Variants in STIL observed in about 807,000 individuals in gnomAD.
STIL encodes the protein SCL-interrupting locus protein.
STIL carries 55 observed loss-of-function variants against 110.1 expected under a neutral mutation model. The ratio of observed to expected loss-of-function variants is 0.50; its 90% CI spans 0.40 to 0.63. The LOEUF (loss-of-function observed/expected upper bound fraction) is 0.63. STIL is among the 20% of genes least tolerant of loss of function. The pLI, the probability that STIL is intolerant of heterozygous loss-of-function variation, is 0.00. For synonymous variants in STIL, 481 were observed against 530.0 expected, an observed-to-expected ratio of 0.91 and a Z score of 1.27; for missense variants, 1,358 against 1,530.0, an observed-to-expected ratio of 0.89 and a Z score of 1.87.
In STIL at chr1:47,250,278, T is replaced by C. The variant is rs1313456996; in HGVS notation, c.*858A>G. On this transcript the variant is annotated 3_prime_UTR_variant, in exon 17 of 17. Coordinates refer to ENST00000371877, the MANE Select transcript of STIL (RefSeq NM_001048166.1). ...TAGCCAGTGTGACATGTTGAAGATG[T>C]TACACCAAAACCAACCCACCATACT... The C allele has an allele frequency of 4.6e-5, 8 of 175,472 alleles. No individual in the cohort carries two copies. The highest frequency in any genetic ancestry group is 2.0e-4 in the South Asian group (1 of 5,018). 10.9% of individuals were successfully genotyped at this position (175,472 alleles called of 1,614,324 possible).
At chr1:47,280,149 T>C in intron 12 of STIL, 92 bp downstream of exon 12, 1 of 1,543,928 alleles carries the variant, frequency 6.5e-7, no homozygotes, top group Non-Finnish European at 8.9e-7. Flanking sequence ...CATTCTATAC[T>C]TCTATAAAAC....
intron 2 of STIL, 78 bp from the exon 3 acceptor site, chr1:47,305,074 T>C (rs1420318969): frequency 3.2e-6 from 3 of 931,956 alleles, no homozygotes; most frequent in African/African-American, 1.6e-5. Flanking sequence ...CAACTAACTA[T>C]CTTTAAGGTG....
At chr1:47,268,667 AG>A (rs898379275) in intron 14 of STIL, among the ~76,000 whole-genome samples, 64 of 152,076 alleles carry the variant, frequency 4.2e-4, no homozygotes, top group African/African-American at 1.5e-3. Context: ...CTGAGGCAGG[AG>A]AATCACTTGA....
Position 47,254,622 on chromosome 1 carries a change from C to T in STIL, c.3081-2700G>A, listed in dbSNP as rs138456107. Among the ~76,000 whole-genome samples, 8 of 152,126 alleles carry T rather than the reference C, an allele frequency of 5.3e-5. No homozygotes were observed. The East Asian group carries it at 1.5e-3, about 29-fold the overall frequency. On this transcript the variant is annotated intron_variant, in intron 16 of 16. Coordinates refer to ENST00000371877, the MANE Select transcript of STIL (RefSeq NM_001048166.1). ...CATGGCTCACCATGGCATCGACCTCCCAGACTCAAGTGACCCTCCTACCTC... is the reference window on the plus strand; with the variant it reads ...CATGGCTCACCATGGCATCGACCTCTCAGACTCAAGTGACCCTCCTACCTC...
intron 7 of STIL, among the ~76,000 whole-genome samples, chr1:47,294,929 AT>A (rs199904141): frequency 6.6e-6 from 1 of 150,738 alleles, no homozygotes; most frequent in African/African-American, 2.4e-5. Flanking sequence ...TATATTTTTT[AT>A]TTTTTTTTGA....
chr1:47,252,674 G>A (rs1187717236), intron 16 of STIL, among the ~76,000 whole-genome samples: 1 of 151,794 alleles, frequency 6.6e-6, no homozygotes. Context: ...TTATATAACA[G>A]TACAAGCTTT....
intron 16 of STIL, among the ~76,000 whole-genome samples, chr1:47,258,136 G>C (rs761604185): frequency 1.3e-5 from 2 of 152,300 alleles, no homozygotes; most frequent in Non-Finnish European, 2.9e-5. Flanking sequence ...CACAACTAAC[G>C]TGACAAGTTG....
intron 14 of STIL, among the ~76,000 whole-genome samples, chr1:47,265,259 A>AAAAAAAAAC (rs1422353607): frequency 6.6e-6 from 1 of 150,546 alleles, no homozygotes; most frequent in African/African-American, 2.4e-5. Context: ...AAAAAAAAAA[A>AAAAAAAAAC]ACACAAGATT....
rs1645604040 is a variant in STIL, at chr1:47,295,075, C to A, written c.785+690G>T. Among the ~76,000 whole-genome samples, 5 of 152,134 alleles carry A rather than the reference C, an allele frequency of 3.3e-5. No individual in the cohort carries two copies. The South Asian group carries it at 8.3e-4, about 25-fold the overall frequency. ...TAGCTGGGATTACAGGCACGCACCACCATGCCTGGCTAATTTTTTGTATTT... is the reference window on the plus strand; with the variant it reads ...TAGCTGGGATTACAGGCACGCACCAACATGCCTGGCTAATTTTTTGTATTT... On this transcript the variant is annotated intron_variant, in intron 7 of 16. Coordinates refer to ENST00000371877, the MANE Select transcript of STIL (RefSeq NM_001048166.1).
intron 2 of STIL, among the ~76,000 whole-genome samples, chr1:47,306,766 T>G (rs1248499620): frequency 6.6e-6 from 1 of 152,224 alleles, no homozygotes; most frequent in Non-Finnish European, 1.5e-5. Context: ...AGGGGCAGTG[T>G]AAAGCAAGGT....
intron 16 of STIL, among the ~76,000 whole-genome samples, chr1:47,259,140 C>A (rs1302374628): frequency 2.0e-5 from 3 of 151,246 alleles, no homozygotes; most frequent in Non-Finnish European, 4.4e-5. Context: ...GCGCCCACCA[C>A]CACGCTCAGC....
intron 6 of STIL, among the ~76,000 whole-genome samples, chr1:47,296,900 A>G (rs1213009649): frequency 6.6e-6 from 1 of 152,248 alleles, no homozygotes; most frequent in Non-Finnish European, 1.5e-5. Context: ...TAATAACACT[A>G]AAACACAAAG....
rs551434007 is a variant in STIL at position 47,310,933 on chromosome 1, C to T, written c.-43-571G>A. ...GTGCGATCTCAGCTCACTGCACCTCCGCCTCCTGGGTTCAAGCGATTCTCC... is the reference window on the plus strand; with the variant it reads ...GTGCGATCTCAGCTCACTGCACCTCTGCCTCCTGGGTTCAAGCGATTCTCC... On this transcript the variant is annotated intron_variant, in intron 1 of 16. Transcript: ENST00000371877. Among the ~76,000 whole-genome samples, 84 of 152,228 alleles carry T rather than the reference C, an allele frequency of 5.5e-4. No individual in the cohort carries two copies. In the South Asian group the frequency reaches 0.013, roughly 24 times the overall value.
chr1:47,305,252 A>G, intron 2 of STIL: 1 of 380,564 alleles, frequency 2.6e-6, no homozygotes, highest in Non-Finnish European at 4.8e-6. Flanking sequence ...GAGCTTCCTG[A>G]GTAGCTGAGA....
At chr1:47,265,260 A>AAAAAAAAAAAAAAAAAAAC (rs1553170532) in intron 14 of STIL, among the ~76,000 whole-genome samples, 1 of 148,318 alleles carries the variant, frequency 6.7e-6, no homozygotes, top group Non-Finnish European at 1.5e-5. Context: ...AAAAAAAAAA[A>AAAAAAAAAAAAAAAAAAAC]CACAAGATTG....
At chr1:47,310,150 G>C in intron 2 of STIL, 126 bp downstream of exon 2, 2 of 805,520 alleles carry the variant, frequency 2.5e-6, no homozygotes, top group Non-Finnish European at 4.0e-6. Flanking sequence ...CTAACAAGTG[G>C]TAGAGCTAGG....
At position 47,290,713 on chromosome 1, in the gene STIL, AAAAAG is replaced by A. The variant is rs1393310815; in HGVS notation, c.873-1133_873-1129del. On this transcript the variant is annotated intron_variant, in intron 8 of 16. Transcript: ENST00000371877. ...GCAAGACTCCGTCTCAAAAAAAAAA[AAAAAG>A]AAAAGATACACAATCTAAGAGAAAA... Among the ~76,000 whole-genome samples, 4 of 152,120 alleles carry A rather than the reference AAAAAG, an allele frequency of 2.6e-5. No individual in the cohort carries two copies. The South Asian group carries it at 6.2e-4, about 24-fold the overall frequency.
intron 1 of STIL, among the ~76,000 whole-genome samples, chr1:47,311,365 A>T (rs768875198): frequency 6.7e-6 from 1 of 149,362 alleles, no homozygotes; most frequent in Non-Finnish European, 1.5e-5. Context: ...GCTCACTGCA[A>T]CCTCCACCAC....
rs577410441 is a variant in STIL, at chr1:47,301,936, T to C, written c.266-188A>G. On this transcript the variant is annotated intron_variant, in intron 4 of 16. Coordinates refer to ENST00000371877, the MANE Select transcript of STIL (RefSeq NM_001048166.1). ...TATACTAAAGTCTTACTTGCTTATATATATTGATCCATCTGACCAGACAGT... is the reference window on the plus strand; with the variant it reads ...TATACTAAAGTCTTACTTGCTTATACATATTGATCCATCTGACCAGACAGT... Among the ~76,000 whole-genome samples, 8 of 152,356 alleles carry C rather than the reference T, an allele frequency of 5.3e-5. No homozygotes were observed. The South Asian group carries it at 1.5e-3, about 28-fold the overall frequency.
Sources: allele counts gnomAD v4.1 joint callset (sites outside exome capture counted in the v4.1 genomes callset), GRCh38; gene constraint gnomAD v4.1.1; transcripts MANE v1.5; gene names NCBI Gene and HGNC (gene_info 2026-07-23, HGNC 2026-07-21).